The following LRRC20 variants were observed in gnomAD, a reference collection of about 807,000 sequenced individuals.
The protein encoded by LRRC20 is leucine-rich repeat-containing protein 20.
In LRRC20, 11 loss-of-function variants were observed where a neutral mutation model predicts 14.4. The ratio of observed to expected loss-of-function variants is 0.77; its 90% CI spans 0.48 to 1.27. LRRC20 has a LOEUF of 1.27. LRRC20 is among the 50% of genes most tolerant of loss of function. LRRC20 has a pLI of 0.00. For missense variants in LRRC20, 219 were observed against 251.2 expected (o/e 0.87, Z 0.87); for synonymous variants, 121 against 107.3 (o/e 1.13, Z -0.79).
At chr10:70,328,822 G>A (rs1421266659) in intron 3 of LRRC20, among the ~76,000 whole-genome samples, 1 of 152,132 alleles carries the variant, frequency 6.6e-6, no homozygotes, top group East Asian at 1.9e-4. Context: ...GGAGGCTGAG[G>A]CAGGAGAATT....
At chr10:70,350,286 G>C (rs10999286) in intron 2 of LRRC20, among the ~76,000 whole-genome samples, 5,429 of 152,262 alleles carry the variant, frequency 0.036, 157 homozygotes, top group East Asian at 0.095. Flanking sequence ...AAGATCCTTG[G>C]GGGAGGCGGT....
intron 3 of LRRC20, among the ~76,000 whole-genome samples, chr10:70,331,646 T>C (rs907699598): frequency 2.6e-5 from 4 of 152,120 alleles, no homozygotes; most frequent in Non-Finnish European, 5.9e-5. Context: ...AAGACTGCAT[T>C]AGGGGTTCCA....
intron 2 of LRRC20, among the ~76,000 whole-genome samples, chr10:70,361,471 G>A (rs1314935547): frequency 6.6e-6 from 1 of 152,190 alleles, no homozygotes; most frequent in African/African-American, 2.4e-5. Context: ...CAGGGGCAGG[G>A]GCAACCCTCA....
Position 70,306,435 on chromosome 10 carries a change from G to A in LRRC20, c.401-4927C>T, listed in dbSNP as rs575038046. On this transcript the variant is annotated intron_variant, in intron 4 of 4. Coordinates refer to ENST00000446961, the MANE Select transcript of LRRC20 (RefSeq NM_001278212.2). ...CTTTGTCTTTTATGACATTGATATT[G>A]GAGGAGTAGTGCACTGCCCCCTTCC... Among the ~76,000 whole-genome samples, 11 of 152,108 alleles carry A rather than the reference G, an allele frequency of 7.2e-5. 1 individual carries two copies. The South Asian group carries it at 2.3e-3, about 32-fold the overall frequency.
At chr10:70,380,538 T>C (rs889473259) in intron 1 of LRRC20, among the ~76,000 whole-genome samples, 2 of 152,124 alleles carry the variant, frequency 1.3e-5, no homozygotes, top group African/African-American at 4.8e-5. Context: ...ACAGACACCA[T>C]CAGCCCACAT....
intron 4 of LRRC20, among the ~76,000 whole-genome samples, chr10:70,311,997 A>T (rs1225357159): frequency 6.6e-6 from 1 of 152,236 alleles, no homozygotes; most frequent in Non-Finnish European, 1.5e-5. Flanking sequence ...CCGGCTGAGA[A>T]GCAGGATGAT....
rs1332080280 is a variant in LRRC20 at position 70,299,941 on chromosome 10, TTCTGAGCAGGGATTACTGC to T, written c.*1394_*1412del. ...GGCAGGGACGAGGGAACTGGGAGCA[TTCTGAGCAGGGATTACTGC>T]TCTGAGCAGTGGTCTGAGCTCTCAA... On this transcript the variant is annotated 3_prime_UTR_variant, in exon 5 of 5. Transcript: ENST00000446961. 2 of 152,230 alleles carry T rather than the reference TTCTGAGCAGGGATTACTGC, an allele frequency of 1.3e-5. No homozygotes were observed. The highest frequency in any genetic ancestry group is 4.8e-5 in the African/African-American group (2 of 41,438). The allele number at this position is 152,230 out of a possible 1,614,324, so 9.4% of individuals were successfully genotyped here. A position where few individuals can be genotyped will look rare whatever the true frequency, so the allele number is the denominator to read the frequency against.
chr10:70,316,581 G>A (rs951498742), intron 4 of LRRC20, among the ~76,000 whole-genome samples: 2 of 152,324 alleles, frequency 1.3e-5, no homozygotes, highest in African/African-American at 2.4e-5. Flanking sequence ...ATGCCATTTG[G>A]GCAAAGACCA....
At position 70,357,534 on chromosome 10, in the gene LRRC20, A is replaced by G. The variant is rs184101663; in HGVS notation, c.83-16832T>C. Among the ~76,000 whole-genome samples, 894 of 152,300 alleles carry G rather than the reference A, an allele frequency of 5.9e-3. 1 individual carries two copies. The highest frequency in any genetic ancestry group is 9.4e-3 in the Non-Finnish European group (636 of 68,014). ...TATTACTTTTATTTGAGAATCTGAC[A>G]AAGATGTGCTTCAGCTCTGTCATCC... On this transcript the variant is annotated intron_variant, in intron 2 of 4. Coordinates refer to ENST00000446961, the MANE Select transcript of LRRC20 (RefSeq NM_001278212.2).
chr10:70,339,152 A>C (rs968031273), intron 3 of LRRC20, among the ~76,000 whole-genome samples: 4 of 152,308 alleles, frequency 2.6e-5, no homozygotes, highest in African/African-American at 9.6e-5. Context: ...TCTGTGTGAA[A>C]TGCCTGTTTT....
chr10:70,368,312 C>G (rs1334178994), intron 2 of LRRC20, among the ~76,000 whole-genome samples: 3 of 151,874 alleles, frequency 2.0e-5, no homozygotes, highest in Non-Finnish European at 4.4e-5. Context: ...CGCCCACCAC[C>G]ACGCCCGGCT....
chr10:70,359,680 C>T (rs540667017), intron 2 of LRRC20, among the ~76,000 whole-genome samples: 16 of 152,248 alleles, frequency 1.1e-4, no homozygotes, highest in Non-Finnish European at 1.6e-4. Context: ...GCCCTCTGGC[C>T]AAGCCAGGCT....
At chr10:70,356,845 C>T (rs1843546122) in intron 2 of LRRC20, among the ~76,000 whole-genome samples, 1 of 151,478 alleles carries the variant, frequency 6.6e-6, no homozygotes, top group South Asian at 2.1e-4. Context: ...AATGAGACTC[C>T]ACCTCAAAAC....
intron 4 of LRRC20, among the ~76,000 whole-genome samples, chr10:70,305,946 T>C (rs1438524982): frequency 2.0e-5 from 3 of 152,180 alleles, no homozygotes; most frequent in African/African-American, 2.4e-5. Flanking sequence ...TTCACCGTGT[T>C]AGCCAGGATG....
At chr10:70,320,836 C>T (rs932498350) in intron 4 of LRRC20, among the ~76,000 whole-genome samples, 5 of 152,246 alleles carry the variant, frequency 3.3e-5, no homozygotes, top group Admixed American at 2.6e-4. Flanking sequence ...TTGTCCCTCT[C>T]AGCCTCTATG....
At chr10:70,341,658 C>T (rs899436718) in intron 2 of LRRC20, among the ~76,000 whole-genome samples, 1 of 152,150 alleles carries the variant, frequency 6.6e-6, no homozygotes, top group Non-Finnish European at 1.5e-5. Context: ...ATCCCAGCTA[C>T]TCACAAGGCT....
At chr10:70,338,290 A>G (rs1308940337) in intron 3 of LRRC20, among the ~76,000 whole-genome samples, 1 of 151,970 alleles carries the variant, frequency 6.6e-6, no homozygotes, top group African/African-American at 2.4e-5. Context: ...TTGCCACTTC[A>G]TGCACCCTCT....
chr10:70,368,913 G>A (rs773797244), intron 2 of LRRC20, among the ~76,000 whole-genome samples: 1 of 152,154 alleles, frequency 6.6e-6, no homozygotes, highest in Non-Finnish European at 1.5e-5. Context: ...GTGAGCTACC[G>A]TGCCCGGCCT....
intron 4 of LRRC20, among the ~76,000 whole-genome samples, chr10:70,321,680 G>C (rs1274490976): frequency 1.3e-5 from 2 of 152,182 alleles, no homozygotes; most frequent in Non-Finnish European, 2.9e-5. Context: ...ATATCACCAA[G>C]GCCTGGCCGA....
Sources: gnomAD v4.1 joint callset for allele counts (sites outside exome capture counted in the v4.1 genomes callset) on GRCh38, gnomAD v4.1.1 for gene constraint, MANE v1.5 for transcripts, NCBI Gene and HGNC (gene_info 2026-07-23, HGNC 2026-07-21) for gene names.